SPATA6: variants seen among roughly 807,000 people sequenced by gnomAD.
SPATA6 encodes the protein spermatogenesis-associated protein 6.
A neutral mutation model predicts 65.3 loss-of-function variants in SPATA6; 56 were observed. The ratio of observed to expected loss-of-function variants is 0.86; its 90% confidence interval spans 0.69 to 1.07. The LOEUF (loss-of-function observed/expected upper bound fraction) is 1.07, where lower values mean the gene tolerates loss of function less well. SPATA6 is among the 50% of genes least tolerant of loss of function. The pLI, the probability that SPATA6 is intolerant of heterozygous loss-of-function variation, is 0.00. For synonymous variants in SPATA6, 199 were observed against 213.2 expected (o/e 0.93, Z 0.58); for missense variants, 590 against 594.8 (o/e 0.99, Z 0.08).
intron 11 of SPATA6, among the ~76,000 whole-genome samples, chr1:48,332,554 C>T (rs1438824329): frequency 2.0e-5 from 3 of 152,154 alleles, no homozygotes; most frequent in Non-Finnish European, 4.4e-5. Context: ...GTACCCAAAA[C>T]AAGAGCACCC....
chr1:48,413,554 G>A lies in SPATA6; in HGVS notation c.239-403C>T, dbSNP rs548912948. ...CCTGACCTTGTGATCCACCCACCTC[G>A]GCCTTCCAAAGTGCTGGGATTACAG... On this transcript the variant is annotated intron_variant, in intron 3 of 12. Coordinates refer to ENST00000371847, the MANE Select transcript of SPATA6 (RefSeq NM_019073.4). Among the ~76,000 whole-genome samples, 125 of 148,928 alleles carry A rather than the reference G, an allele frequency of 8.4e-4. 2 individuals carry two copies. The highest frequency in any genetic ancestry group is 2.9e-3 in the African/African-American group (117 of 40,292).
chr1:48,406,876 T>A (rs1425186717), intron 5 of SPATA6, among the ~76,000 whole-genome samples: 1 of 152,184 alleles, frequency 6.6e-6, no homozygotes, highest in Non-Finnish European at 1.5e-5. Context: ...TAATCCCAAA[T>A]GTTGTCTGAA....
At chr1:48,411,691 A>T in intron 4 of SPATA6, 103 bp from the exon 5 acceptor site, 1 of 1,012,014 alleles carries the variant, frequency 9.9e-7, no homozygotes, top group Non-Finnish European at 1.3e-6. Context: ...TTATTGAAAT[A>T]CCTGTTTTGG....
chr1:48,346,311 T>C (rs1646363083), intron 11 of SPATA6, among the ~76,000 whole-genome samples: 1 of 152,026 alleles, frequency 6.6e-6, no homozygotes, highest in Admixed American at 6.6e-5. Flanking sequence ...AAACTAAGCA[T>C]TAGAGGAACA....
At chr1:48,366,501 ACTT>A (rs1455509140) in intron 9 of SPATA6, among the ~76,000 whole-genome samples, 3 of 152,140 alleles carry the variant, frequency 2.0e-5, no homozygotes, top group Admixed American at 2.0e-4. Flanking sequence ...TTCAGAGTCA[ACTT>A]CTTCCTGGTT....
intron 5 of SPATA6, among the ~76,000 whole-genome samples, chr1:48,404,481 T>A (rs764457934): frequency 1.1e-4 from 16 of 152,052 alleles, no homozygotes; most frequent in Non-Finnish European, 2.2e-4. Flanking sequence ...TAGCTAGGAC[T>A]ACAGGATACA....
intron 11 of SPATA6, among the ~76,000 whole-genome samples, chr1:48,348,654 T>A (rs1363771488): frequency 1.3e-5 from 2 of 152,034 alleles, no homozygotes; most frequent in Non-Finnish European, 2.9e-5. Context: ...AGATCTGGGA[T>A]CTGGGTGTGC....
rs1158646375 is a variant in SPATA6, at chr1:48,305,830, G to T, written c.1243C>A (p.Leu415Ile). 3 of 1,612,242 alleles carry T rather than the reference G, an allele frequency of 1.9e-6. No individual in the cohort carries two copies. In the East Asian group the frequency reaches 6.7e-5, roughly 36 times the overall value. ...KDDELELKRS[L>I]LCRDSAYDSD... ...TCATAGGCAGAGTCTCTACATAAAAGACTTCTTTTCAGTTCCAGTTCATCA... is the reference window on the plus strand; with the variant it reads ...TCATAGGCAGAGTCTCTACATAAAATACTTCTTTTCAGTTCCAGTTCATCA... Residue 415 changes from leucine to isoleucine, a missense_variant, in exon 12 of 13, where the codon CTT becomes ATT. Transcript: ENST00000371847.
In SPATA6 at chr1:48,411,499, G is replaced by A. The variant is rs755274271; in HGVS notation, c.370C>T (p.Arg124Cys). The change falls in exon 5 of 13, where the codon CGC becomes TGC. Residue 124 changes from arginine to cysteine, a missense_variant. By Grantham distance (180) the Arg-to-Cys change is radical. Coordinates refer to ENST00000371847, the MANE Select transcript of SPATA6 (RefSeq NM_019073.4). ...GAAATCCTCCTCATGGTAACCTGGC[G>A]GTTTGAATCATGGTGTCCAGACATT... is the stretch of plus-strand genomic sequence containing the variant. ...NQMSGHHDSN[R>C]QVTMRRISGL... 3.9e-5 allele frequency: 62 copies of A among 1,609,212 alleles called. No homozygotes were observed. The highest frequency in any genetic ancestry group is 6.7e-5 in the Admixed American group (4 of 59,278).
chr1:48,331,785 G>A (rs575393925), intron 11 of SPATA6, among the ~76,000 whole-genome samples: 4 of 152,314 alleles, frequency 2.6e-5, no homozygotes, highest in African/African-American at 9.6e-5. Flanking sequence ...ACACTCCAAG[G>A]TTGAAATGAA....
At chr1:48,291,989 T>C (rs1239439812), downstream of SPATA6, among the ~76,000 whole-genome samples, 3 of 152,210 alleles carry the variant, frequency 2.0e-5, no homozygotes, top group African/African-American at 7.2e-5. Flanking sequence ...TTTACCTGTG[T>C]TGTCTTGTAG....
At chr1:48,428,822 T>C (rs1654108523) in intron 3 of SPATA6, among the ~76,000 whole-genome samples, 1 of 145,080 alleles carries the variant, frequency 6.9e-6, no homozygotes, top group South Asian at 2.2e-4. Flanking sequence ...TATGTATATA[T>C]ATGTGTGTAT....
chr1:48,315,428 A>G (rs1232418437), intron 11 of SPATA6, among the ~76,000 whole-genome samples: 1 of 152,244 alleles, frequency 6.6e-6, no homozygotes, highest in Non-Finnish European at 1.5e-5. Context: ...AAACAGAACC[A>G]AAGACAAAAA....
the SPATA6 span, among the ~76,000 whole-genome samples, chr1:48,271,195 T>G: frequency 6.6e-6 from 1 of 152,112 alleles, no homozygotes. Context: ...TTTCTAACAT[T>G]ATACTTATCA....
In SPATA6 at chr1:48,395,348, G is replaced by C; in HGVS notation, c.787C>G (p.Pro263Ala). Residue 263 changes from proline to alanine, a missense_variant, in exon 8 of 13, where the codon CCC (proline) becomes GCC (alanine). Coordinates refer to ENST00000371847, the MANE Select transcript of SPATA6 (RefSeq NM_019073.4). ...KPPFVIRHVD[P>A]PSPRADTLLG... is the part of the protein sequence containing the mutation. ...AAAGTATCAGCCCTGGGACTTGGGG[G>C]ATCAACCTAGAGGAAGCAGGATTTT... The C allele has an allele frequency of 6.4e-7, 1 of 1,553,070 alleles. No individual in the cohort carries two copies. Among genetic ancestry groups the C allele is most frequent in the Non-Finnish European group, 8.7e-7 (1 of 1,148,956 alleles).
At chr1:48,349,322 C>T (rs979195805) in intron 11 of SPATA6, among the ~76,000 whole-genome samples, 7 of 151,886 alleles carry the variant, frequency 4.6e-5, no homozygotes, top group Non-Finnish European at 8.8e-5. Flanking sequence ...AGTTGGCTGA[C>T]CACTGAACTA....
chr1:48,421,700 TGG>T (rs1056505104), intron 3 of SPATA6, among the ~76,000 whole-genome samples: 3 of 151,802 alleles, frequency 2.0e-5, no homozygotes, highest in Non-Finnish European at 4.4e-5. Context: ...GAAAACAAAT[TGG>T]GTGAAGAATC....
chr1:48,276,354 C>CTTAG, the SPATA6 span, among the ~76,000 whole-genome samples: 1 of 149,144 alleles, frequency 6.7e-6, no homozygotes. Context: ...CTTCTCTGAT[C>CTTAG]TTATTTCTTA....
intron 11 of SPATA6, among the ~76,000 whole-genome samples, chr1:48,315,915 A>G (rs1055446513): frequency 6.6e-6 from 1 of 152,234 alleles, no homozygotes; most frequent in Non-Finnish European, 1.5e-5. Context: ...GAGCCAAATC[A>G]TGAGTGAACT....
Sources: gnomAD v4.1 joint callset for allele counts (sites outside exome capture counted in the v4.1 genomes callset) on GRCh38, gnomAD v4.1.1 for gene constraint, MANE v1.5 for transcripts, NCBI Gene and HGNC (gene_info 2026-07-23, HGNC 2026-07-21) for gene names.